The following ALS2CL variants were observed in gnomAD, a reference collection of about 807,000 sequenced individuals.
ALS2CL encodes the protein ALS2 C-terminal-like protein.
In ALS2CL, 112 loss-of-function variants were observed where a neutral mutation model predicts 127.9. The observed-to-expected ratio is 0.88, with a 90% CI of 0.75 to 1.02. The LOEUF is 1.02. Ranked by LOEUF, ALS2CL falls within the 50% of genes least tolerant of loss-of-function variation. The pLI is 0.00. For missense variants in ALS2CL, 1,174 were observed against 1,236.7 expected (o/e 0.95, Z 0.76); for synonymous variants, 519 against 527.6 (o/e 0.98, Z 0.22).
At chr3:46,673,052 C>G (rs896141766) in intron 22 of ALS2CL, among the ~76,000 whole-genome samples, 1 of 152,108 alleles carries the variant, frequency 6.6e-6, no homozygotes, top group African/African-American at 2.4e-5. Context: ...TGAGGTTGTT[C>G]TAGTGTTGGC....
chr3:46,671,667 T>G, intron 24 of ALS2CL, 83 bp from the exon 25 acceptor site: 1 of 1,600,638 alleles, frequency 6.2e-7, no homozygotes. Context: ...GAAGGAGCGC[T>G]GGCCTGGATG....
intron 16 of ALS2CL, chr3:46,677,465 AGCCC>A: frequency 1.1e-6 from 1 of 900,508 alleles, no homozygotes; most frequent in Non-Finnish European, 1.3e-6. Flanking sequence ...TGTCTAATGG[AGCCC>A]TGCACTCCAG....
chr3:46,681,346 C>A lies in ALS2CL; in HGVS notation c.1336G>T (p.Val446Phe). 4 of 1,611,566 alleles carry A rather than the reference C, an allele frequency of 2.5e-6. No homozygotes were observed. The highest frequency in any genetic ancestry group is 3.4e-6 in the Non-Finnish European group (4 of 1,178,064). Residue 446 changes from valine to phenylalanine, a missense_variant, in exon 13 of 26, where the codon GTC becomes TTC. Transcript: ENST00000318962. This position sits in a 1 kb window ranked among gnomAD's most constrained non-coding sequence, Gnocchi z 4.9. ...GGGGCCTGCGGACCACTCTCAAGGA[C>A]CCCAAATCCGTGCCGCAGGCCCTCC... is the stretch of plus-strand genomic sequence containing the variant. The part of the protein sequence containing the change: ...FQEGLRHGFG[V>F]LESGPQAPQP...
intron 1 of ALS2CL, 129 bp from the exon 2 acceptor site, chr3:46,689,594 C>T (rs1575452238): frequency 3.2e-6 from 2 of 619,012 alleles, no homozygotes; most frequent in Admixed American, 3.1e-5. Flanking sequence ...GAGCCCAGAT[C>T]GCCTCAAAGG....
Position 46,686,317 on chromosome 3 carries a change from G to T in ALS2CL, c.657C>A (p.Gly219=). ...ATQALWHTLR[G]RLRDVLCTPA... is the part of the protein sequence containing the mutation. ...CAGGCCCCCAACTCACCCTCAGCCG[G>T]CCTCTCAGGGTGTGCCAGAGAGCCT... The change falls in exon 6 of 26, where the codon GGC becomes GGA. Residue 219 remains glycine (G), a synonymous_variant. Coordinates refer to ENST00000318962, the MANE Select transcript of ALS2CL (RefSeq NM_147129.5). This position sits in a 1 kb window ranked among gnomAD's most constrained non-coding sequence, Gnocchi z 4.3. 3 of 1,609,438 alleles carry T rather than the reference G, an allele frequency of 1.9e-6. No individual in the cohort carries two copies. The highest frequency in any genetic ancestry group is 8.5e-7 in the Non-Finnish European group (1 of 1,177,938).
chr3:46,675,889 C>T, intron 19 of ALS2CL: 4 of 1,437,934 alleles, frequency 2.8e-6, no homozygotes, highest in Non-Finnish European at 3.6e-6. Context: ...GGAACTATAG[C>T]ATCTAAGGCT....
rs777706326 is a variant in ALS2CL, at chr3:46,686,451, C to G, written c.535-12G>C. 6.2e-7 allele frequency: 1 copy of G among 1,609,152 alleles called. No homozygotes were observed. The highest frequency in any genetic ancestry group is 2.2e-5 in the East Asian group (1 of 44,860). On this transcript the variant is annotated splice_polypyrimidine_tract_variant and intron_variant, in intron 5 of 25. Transcript: ENST00000318962. This position sits in a 1 kb window ranked among gnomAD's most constrained non-coding sequence, Gnocchi z 4.3. ...CGGGTTGGGTGATGCTGAAGGGGGA[C>G]AGGGCAGCCAGTGAGAGGAGAGCTT...
At chr3:46,682,155 C>T in intron 10 of ALS2CL, 61 bp from the exon 11 acceptor site, 1 of 1,572,636 alleles carries the variant, frequency 6.4e-7, no homozygotes, top group Non-Finnish European at 8.7e-7. Flanking sequence ...ACCTCAGCCA[C>T]CTACTTTCTC....
At chr3:46,671,792 A>G (rs184798373) in intron 24 of ALS2CL, 92 bp downstream of exon 24, 13 of 1,567,380 alleles carry the variant, frequency 8.3e-6, no homozygotes, top group South Asian at 1.2e-5. Flanking sequence ...AGCTGCATCC[A>G]TAAACCCTGG....
intron 4 of ALS2CL, 151 bp from the exon 5 acceptor site, chr3:46,687,299 GTT>G: frequency 1.1e-6 from 1 of 896,536 alleles, no homozygotes; most frequent in Non-Finnish European, 1.6e-6. Context: ...CAGTACCTGA[GTT>G]GCCCTCACAG....
At chr3:46,678,879 C>A (rs1335876501) in intron 15 of ALS2CL, among the ~76,000 whole-genome samples, 1 of 152,230 alleles carries the variant, frequency 6.6e-6, no homozygotes, top group African/African-American at 2.4e-5. Flanking sequence ...GGGAGGCACA[C>A]ACTGAAGGCC....
At chr3:46,680,331 C>G in intron 14 of ALS2CL, 99 bp downstream of exon 14, 1 of 1,296,810 alleles carries the variant, frequency 7.7e-7, no homozygotes, top group Non-Finnish European at 1.1e-6. Context: ...AACACAGCCC[C>G]CTTTCCCATC....
At chr3:46,685,791 G>A (rs1699720138) in intron 6 of ALS2CL, 147 bp from the exon 7 acceptor site, 1 of 1,136,758 alleles carries the variant, frequency 8.8e-7, no homozygotes, top group Non-Finnish European at 1.2e-6. Context: ...GAGATAGGCA[G>A]AAATGCACTG....
intron 7 of ALS2CL, among the ~76,000 whole-genome samples, chr3:46,685,055 A>G (rs764749505): frequency 5.9e-5 from 9 of 152,132 alleles, no homozygotes; most frequent in South Asian, 2.1e-4. Context: ...TGACTTCCAC[A>G]ATGCTGAAAG....
intron 2 of ALS2CL, 105 bp downstream of exon 2, chr3:46,689,233 T>G: frequency 3.5e-5 from 42 of 1,193,328 alleles, no homozygotes; most frequent in South Asian, 1.4e-4. Context: ...CACTCCTATT[T>G]GAGGTTGAGA....
intron 14 of ALS2CL, 44 bp from the exon 15 acceptor site, chr3:46,679,331 AAGGGCC>A: frequency 1.3e-6 from 2 of 1,488,948 alleles, no homozygotes; most frequent in Non-Finnish European, 1.8e-6. Context: ...GTGGGTGAGG[AAGGGCC>A]AGGAAACTCA....
In ALS2CL at chr3:46,683,307, A is replaced by G; in HGVS notation, c.932T>C (p.Val311Ala). ...SQGQAVWQWK[V>A]TWAVHQALHG... Reference sequence around the variant, plus strand: ...CAGGGCCTGGTGAACAGCCCAGGTCACCTTCCACTGCCAGACTGCCTGGTG... The same window carrying G: ...CAGGGCCTGGTGAACAGCCCAGGTCGCCTTCCACTGCCAGACTGCCTGGTG... The change falls in exon 10 of 26, where the codon GTG becomes GCG. Residue 311 changes from valine to alanine, a missense_variant. Val to Ala is a moderately conservative substitution (Grantham distance 64). Transcript: ENST00000318962. 1 of 1,590,604 alleles carries G rather than the reference A, an allele frequency of 6.3e-7. No individual in the cohort carries two copies. Among genetic ancestry groups the G allele is most frequent in the Non-Finnish European group, 8.6e-7 (1 of 1,168,058 alleles).
rs1408743562 is a variant in ALS2CL, at chr3:46,686,415, C to T, written c.559G>A (p.Val187Met). 2 of 1,613,520 alleles carry T rather than the reference C, an allele frequency of 1.2e-6. No homozygotes were observed. Among genetic ancestry groups the T allele is most frequent in the East Asian group, 4.5e-5 (2 of 44,852 alleles). The part of the protein sequence containing the change: ...GEHHPTRELV[V>M]NAVTLFGNLQ... ...TTCCCAAAGAGGGTGACTGCGTTCACCACCAGCTCCCGGGTTGGGTGATGC... is the reference window on the plus strand; with the variant it reads ...TTCCCAAAGAGGGTGACTGCGTTCATCACCAGCTCCCGGGTTGGGTGATGC... Residue 187 changes from valine to methionine, a missense_variant, in exon 6 of 26, where the codon GTG becomes ATG. Physicochemically the swap from Val to Met is conservative, Grantham distance 21 (BLOSUM62 1). Transcript: ENST00000318962. The surrounding 1 kb of genome is among the most constrained non-coding windows in gnomAD (Gnocchi z 4.3).
Position 46,683,125 on chromosome 3 carries a change from C to G in ALS2CL, c.1109+5G>C, listed in dbSNP as rs1002581205. Reference sequence around the variant, plus strand: ...ACCTTGCCACCCAGAGCTCCAGCCACTCACTTGCCGTGGGGCCGGCCCCTG... The same window carrying G: ...ACCTTGCCACCCAGAGCTCCAGCCAGTCACTTGCCGTGGGGCCGGCCCCTG... On this transcript the variant is annotated splice_donor_5th_base_variant and intron_variant, in intron 10 of 25. Coordinates refer to ENST00000318962, the MANE Select transcript of ALS2CL (RefSeq NM_147129.5). The G allele has an allele frequency of 2.6e-6, 4 of 1,553,870 alleles. No homozygotes were observed. The highest frequency in any genetic ancestry group is 2.8e-5 in the African/African-American group (2 of 72,708).
Sources: allele counts gnomAD v4.1 joint callset (sites outside exome capture counted in the v4.1 genomes callset), GRCh38; gene constraint gnomAD v4.1.1; non-coding constraint Gnocchi (gnomAD v3.1); transcripts MANE v1.5; gene names NCBI Gene and HGNC (gene_info 2026-07-23, HGNC 2026-07-21).